Variants in FGGY observed in about 807,000 individuals in gnomAD.
The protein encoded by FGGY is FGGY carbohydrate kinase domain-containing protein.
Under a neutral mutation model 71.3 loss-of-function variants are expected in FGGY, and 72 were observed. The ratio of observed to expected loss-of-function variants is 1.01; its 90% CI spans 0.84 to 1.23. The LOEUF (loss-of-function observed/expected upper bound fraction) is 1.23. Among genes scored for constraint, FGGY ranks in the 50% most tolerant of loss-of-function variants. The pLI, the probability that FGGY is intolerant of heterozygous loss-of-function variation, is 0.00. For missense variants in FGGY, 668 were observed against 682.3 expected (o/e 0.98, Z 0.23); for synonymous variants, 251 against 250.3 (o/e 1.00, Z -0.02).
chr1:59,363,293 G>A (rs926545040), intron 4 of FGGY, among the ~76,000 whole-genome samples: 3 of 152,182 alleles, frequency 2.0e-5, no homozygotes, highest in Non-Finnish European at 4.4e-5. Context: ...AGGTTTGTCC[G>A]ACTCTAAAGC....
chr1:59,760,748 G>A (rs1475622422), intron 15 of FGGY, among the ~76,000 whole-genome samples: 2 of 152,182 alleles, frequency 1.3e-5, no homozygotes, highest in African/African-American at 4.8e-5. Context: ...AGTGCACAAA[G>A]TTGTGGCAAA....
intron 14 of FGGY, among the ~76,000 whole-genome samples, chr1:59,677,585 G>A (rs1221111896): frequency 6.6e-6 from 1 of 152,172 alleles, no homozygotes; most frequent in Non-Finnish European, 1.5e-5. Flanking sequence ...ATGATTTTCA[G>A]CCGGGGGTAG....
chr1:59,427,717 A>G lies in FGGY; in HGVS notation c.555-29244A>G, dbSNP rs150429580. Among the ~76,000 whole-genome samples the G allele has an allele frequency of 1.3e-3, 202 of 152,306 alleles. 2 individuals carry two copies. The Middle Eastern group carries it at 0.027, about 21-fold the overall frequency. ...CAACCCCTCTGTGCAGCCTTGAGGA[A>G]GAAGACAAGGCAGTCAAAGTACCTT... On this transcript the variant is annotated intron_variant, in intron 5 of 15. Coordinates refer to ENST00000303721, the MANE Select transcript of FGGY (RefSeq NM_018291.5).
chr1:59,747,185 TG>T (rs2098205851), intron 14 of FGGY, among the ~76,000 whole-genome samples: 1 of 152,242 alleles, frequency 6.6e-6, no homozygotes, highest in Non-Finnish European at 1.5e-5. Flanking sequence ...ATCATCTGTC[TG>T]ATGCTTTTAG....
Position 59,387,199 on chromosome 1 carries a change from A to G in FGGY, c.554+8362A>G, listed in dbSNP as rs72913706. 7.2e-3 allele frequency among the ~76,000 whole-genome samples: 1,094 copies of G among 152,262 alleles called. 13 individuals carry two copies. Among genetic ancestry groups the G allele is most frequent in the African/African-American group, 0.025 (1,037 of 41,564 alleles). On this transcript the variant is annotated intron_variant, in intron 5 of 15. Transcript: ENST00000303721. ...ATACAATTCATAGGATCTCAAATAC[A>G]AAACCATTATTTAGACTCTTATTCT...
intron 1 of FGGY, among the ~76,000 whole-genome samples, chr1:59,311,949 G>A (rs1264510067): frequency 6.6e-6 from 1 of 152,196 alleles, no homozygotes; most frequent in Non-Finnish European, 1.5e-5. Flanking sequence ...CATTCTGACT[G>A]GCATGAGATA....
intron 6 of FGGY, among the ~76,000 whole-genome samples, chr1:59,498,217 A>AT (rs57090349): frequency 0.45 from 67,757 of 151,744 alleles, 15,436 homozygotes; most frequent in African/African-American, 0.52. Context: ...AAATATGTGT[A>AT]TTTTACAAAT....
intron 7 of FGGY, among the ~76,000 whole-genome samples, chr1:59,517,171 T>C (rs1398505657): frequency 3.3e-5 from 5 of 151,912 alleles, no homozygotes; most frequent in Non-Finnish European, 7.4e-5. Flanking sequence ...TTTCCAGGTC[T>C]TTTCTTGGCT....
At chr1:59,506,786 G>A (rs2094395274) in intron 6 of FGGY, among the ~76,000 whole-genome samples, 2 of 151,846 alleles carry the variant, frequency 1.3e-5, no homozygotes, top group Middle Eastern at 3.4e-3. Context: ...GCAACAGAGC[G>A]AGACTCTGTC....
chr1:59,536,523 C>T (rs992757499), intron 7 of FGGY, among the ~76,000 whole-genome samples: 1 of 152,060 alleles, frequency 6.6e-6, no homozygotes, highest in Admixed American at 6.5e-5. Flanking sequence ...AGAGACACAA[C>T]CAAAAAAGAG....
intron 14 of FGGY, among the ~76,000 whole-genome samples, chr1:59,737,512 T>C (rs540261137): frequency 3.6e-4 from 55 of 152,340 alleles, no homozygotes; most frequent in African/African-American, 1.2e-3. Flanking sequence ...GACCTGGATG[T>C]GAGACATGGA....
chr1:59,646,703 C>T (rs1453846883), intron 11 of FGGY, among the ~76,000 whole-genome samples: 2 of 152,014 alleles, frequency 1.3e-5, no homozygotes, highest in African/African-American at 4.8e-5. Flanking sequence ...TTCACAACAA[C>T]CGTGCAAGAC....
intron 3 of FGGY, 43 bp downstream of exon 3, chr1:59,340,112 G>T: frequency 7.0e-7 from 1 of 1,426,752 alleles, no homozygotes; most frequent in Non-Finnish European, 9.8e-7. Context: ...GGGATACTTG[G>T]CTGATTAATC....
At chr1:59,356,326 C>A (rs2054303043) in intron 4 of FGGY, among the ~76,000 whole-genome samples, 1 of 152,154 alleles carries the variant, frequency 6.6e-6, no homozygotes, top group Non-Finnish European at 1.5e-5. Flanking sequence ...CCTGTATTCT[C>A]TCACACCTCT....
At chr1:59,436,423 T>A (rs763904930) in intron 5 of FGGY, among the ~76,000 whole-genome samples, 4 of 152,192 alleles carry the variant, frequency 2.6e-5, no homozygotes, top group African/African-American at 9.6e-5. Context: ...ATCATGGTTG[T>A]AACTCTATAG....
intron 2 of FGGY, among the ~76,000 whole-genome samples, chr1:59,329,302 G>C (rs2048006653): frequency 2.1e-5 from 3 of 141,724 alleles, no homozygotes; most frequent in Non-Finnish European, 4.5e-5. Flanking sequence ...GTGTGCAATA[G>C]CACTGTATCT....
intron 10 of FGGY, among the ~76,000 whole-genome samples, chr1:59,633,560 C>G (rs1246405049): frequency 6.6e-6 from 1 of 151,358 alleles, no homozygotes; most frequent in African/African-American, 2.5e-5. Context: ...GTCTGGAAGG[C>G]TGTGTCCATC....
chr1:59,554,259 C>G lies in FGGY; in HGVS notation c.903+32C>G, dbSNP rs1478944763. ...CCACTGAGCACAAAGGCAAGGCCAC[C>G]ACACAGCAGGAGGTAGCCTGGAAGG... On this transcript the variant is annotated intron_variant, in intron 8 of 15. Transcript: ENST00000303721. 6 of 1,557,620 alleles carry G rather than the reference C, an allele frequency of 3.9e-6. No homozygotes were observed. The African/African-American group carries it at 8.1e-5, about 21-fold the overall frequency.
chr1:59,312,116 A>G (rs2044452835), intron 1 of FGGY, among the ~76,000 whole-genome samples: 6 of 152,156 alleles, frequency 3.9e-5, no homozygotes, highest in Admixed American at 3.9e-4. Flanking sequence ...TTTGTCTTGC[A>G]AATTTGTTTA....
Sources: allele counts gnomAD v4.1 joint callset (sites outside exome capture counted in the v4.1 genomes callset), GRCh38; gene constraint gnomAD v4.1.1; transcripts MANE v1.5; gene names NCBI Gene and HGNC (gene_info 2026-07-23, HGNC 2026-07-21).